HLTF: variants seen among roughly 807,000 people sequenced by gnomAD.
HLTF encodes DNA-dependent ATPase/E3 ubiquitin-protein ligase HLTF.
A neutral mutation model predicts 129.4 loss-of-function variants in HLTF; 127 were observed. That is an observed-to-expected ratio of 0.98 (90% CI 0.85 to 1.14). The LOEUF is 1.14. Ranked by LOEUF, HLTF falls within the 50% of genes most tolerant of loss-of-function variation. The probability of loss-of-function intolerance (pLI) is 0.00; values close to 1 mark genes in which losing one functional copy is unlikely to be tolerated. For missense variants in HLTF, 1,139 were observed against 1,187.1 expected (o/e 0.96, Z 0.60); for synonymous variants, 332 against 388.8 (o/e 0.85, Z 1.72).
chr3:149,052,446 C>G (rs1717077471), intron 14 of HLTF, among the ~76,000 whole-genome samples: 1 of 152,222 alleles, frequency 6.6e-6, no homozygotes, highest in Admixed American at 6.5e-5. Flanking sequence ...AATTTGTCAT[C>G]TATCTTCATT....
intron 23 of HLTF, among the ~76,000 whole-genome samples, chr3:149,036,579 G>C (rs62274646): frequency 0.023 from 3,505 of 151,978 alleles, 65 homozygotes; most frequent in Non-Finnish European, 0.037. Flanking sequence ...ATGAGCCTCC[G>C]CGCCAGGCCA....
chr3:149,032,409 G>C, intron 24 of HLTF, 37 bp from the exon 25 acceptor site: 1 of 1,254,984 alleles, frequency 8.0e-7, no homozygotes, highest in Non-Finnish European at 1.1e-6. Context: ...TAGTTTTTAA[G>C]GCATAGTATT....
In HLTF at chr3:149,055,309, G is replaced by C; in HGVS notation, c.1467C>G (p.Asn489Lys). The change falls in exon 14 of 25, where the codon AAC (asparagine) becomes AAG (lysine). Residue 489 changes from asparagine to lysine, a missense_variant. Transcript: ENST00000310053. ...LIICPLSVLS[N>K]WIDQFGQHIK... ...AAAGGGCTTAAAGACTTACAATCCA[G>C]TTGCTTAACACAGAAAGCGGACAGA... 1 of 1,609,494 alleles carries C rather than the reference G, an allele frequency of 6.2e-7. No individual in the cohort carries two copies. The highest frequency in any genetic ancestry group is 8.5e-7 in the Non-Finnish European group (1 of 1,176,056).
chr3:149,051,969 C>T (rs1399033091), intron 14 of HLTF: 1 of 152,134 alleles, frequency 6.6e-6, no homozygotes, highest in Non-Finnish European at 1.5e-5. Flanking sequence ...GCCTGATCAA[C>T]ATGGTGAAAC....
intron 21 of HLTF, 48 bp from the exon 22 acceptor site, chr3:149,039,741 A>C (rs1172203934): frequency 3.0e-6 from 3 of 984,066 alleles, no homozygotes; most frequent in African/African-American, 1.7e-5. Context: ...TAAATCAGTA[A>C]AATTAGTCTA....
rs772816 is a variant in HLTF, at chr3:149,085,892, A to G, written c.20+425T>C. Among the ~76,000 whole-genome samples the G allele has an allele frequency of 0.25, 38,054 of 152,114 alleles. 5,882 individuals carry two copies. The highest frequency in any genetic ancestry group is 0.41 in the Middle Eastern group (120 of 292). ...GATGCGTTTTCCTTGCAAGTGGCGC[A>G]TATCTCTACTAGCGCCTCTGCAAAT... On this transcript the variant is annotated intron_variant, in intron 1 of 24. Coordinates refer to ENST00000310053, the MANE Select transcript of HLTF (RefSeq NM_003071.4).
chr3:149,084,695 T>C lies in HLTF; in HGVS notation c.215A>G (p.Tyr72Cys), dbSNP rs1413943652. The C allele has an allele frequency of 6.2e-7, 1 of 1,608,652 alleles. No homozygotes were observed. The highest frequency in any genetic ancestry group is 1.7e-5 in the Admixed American group (1 of 60,016). ...TATTATACTCACTACTCCCGTGTAA[T>C]AGCGTAGTCCAACCACATGACCTCT... is the stretch of plus-strand genomic sequence containing the variant. ...SLRGHVVGLR[Y>C]YTGVVNNNEM... Residue 72 changes from tyrosine to cysteine, a missense_variant, in exon 2 of 25, where the codon TAT becomes TGT. Physicochemically the swap from Tyr to Cys is radical, Grantham distance 194. Transcript: ENST00000310053.
chr3:149,032,819 C>T (rs1056439622), intron 24 of HLTF, among the ~76,000 whole-genome samples: 4 of 151,856 alleles, frequency 2.6e-5, no homozygotes, highest in South Asian at 4.2e-4. Context: ...AAAAGTTAGC[C>T]GGGCATGGTG....
intron 7 of HLTF, among the ~76,000 whole-genome samples, chr3:149,069,485 AAAG>A (rs1440756309): frequency 8.6e-5 from 13 of 151,908 alleles, no homozygotes; most frequent in Admixed American, 2.6e-4. Flanking sequence ...AAAAAAAAAA[AAAG>A]AAGAAGAATG....
At position 149,039,032 on chromosome 3, in the gene HLTF, T is replaced by A. The variant is rs1715882852; in HGVS notation, c.2796+17A>T. On this transcript the variant is annotated intron_variant, in intron 23 of 24. Transcript: ENST00000310053. ...AAGAAGTACTAAGATTCTGAAAAAA[T>A]TTACAGAACTACTTACTGGATCCAT... The A allele has an allele frequency of 1.4e-5, 20 of 1,450,460 alleles. No homozygotes were observed. Among genetic ancestry groups the A allele is most frequent in the Non-Finnish European group, 1.8e-5 (20 of 1,089,276 alleles). The allele number at this position is 1,450,460 out of a possible 1,614,324, so 89.8% of individuals were successfully genotyped here. A position where few individuals can be genotyped will look rare whatever the true frequency, so the allele number is the denominator to read the frequency against.
At chr3:149,058,988 T>C (rs971292606) in intron 13 of HLTF, among the ~76,000 whole-genome samples, 7 of 152,246 alleles carry the variant, frequency 4.6e-5, no homozygotes, top group African/African-American at 1.7e-4. Flanking sequence ...ATTATCTGAT[T>C]CTTGGACCAA....
chr3:149,057,587 T>C (rs1717583516), intron 13 of HLTF, among the ~76,000 whole-genome samples: 1 of 152,216 alleles, frequency 6.6e-6, no homozygotes, highest in African/African-American at 2.4e-5. Flanking sequence ...ACCAAATCCC[T>C]GACAAATACT....
intron 14 of HLTF, among the ~76,000 whole-genome samples, chr3:149,053,237 G>A (rs926018312): frequency 6.6e-6 from 1 of 152,144 alleles, no homozygotes; most frequent in African/African-American, 2.4e-5. Context: ...ATCTCATGTT[G>A]AAATGTAATC....
chr3:149,069,090 T>A (rs1237675855), intron 7 of HLTF, among the ~76,000 whole-genome samples: 2 of 152,094 alleles, frequency 1.3e-5, no homozygotes, highest in Non-Finnish European at 2.9e-5. Context: ...TGCCTCAGCA[T>A]AAAACAAAGC....
At position 149,030,623 on chromosome 3, in the gene HLTF, T is replaced by C. The variant is rs1559848166; in HGVS notation, c.*1597A>G. On this transcript the variant is annotated 3_prime_UTR_variant, in exon 25 of 25. Coordinates refer to ENST00000310053, the MANE Select transcript of HLTF (RefSeq NM_003071.4). ...AGAACCCATACTCTGATCAACTTGA[T>C]TTTTTGTGTGTAATGCTTGATCTAC... The C allele has an allele frequency of 6.6e-6, 1 of 152,222 alleles. No individual in the cohort carries two copies. Among genetic ancestry groups the C allele is most frequent in the South Asian group, 2.1e-4 (1 of 4,834 alleles). The allele number at this position is 152,222 out of a possible 1,614,324, so 9.4% of individuals were successfully genotyped here. A position where few individuals can be genotyped will look rare whatever the true frequency, so the allele number is the denominator to read the frequency against.
rs185551821 is a variant in HLTF at position 149,040,915 on chromosome 3, C to T, written c.2376+575G>A. On this transcript the variant is annotated intron_variant, in intron 20 of 24. Transcript: ENST00000310053. The stretch of plus-strand genomic sequence containing the variant: ...ATTTAAAATGTTTAAAAAAATTCTA[C>T]CCCAGCTGAATGACTGCTTAACAGA... Among the ~76,000 whole-genome samples, 14 of 152,118 alleles carry T rather than the reference C, an allele frequency of 9.2e-5. No homozygotes were observed. In the East Asian group the frequency reaches 2.7e-3, roughly 29 times the overall value.
At position 149,040,232 on chromosome 3, in the gene HLTF, G is replaced by T; in HGVS notation, c.2377-76C>A. On this transcript the variant is annotated intron_variant, in intron 20 of 24. Coordinates refer to ENST00000310053, the MANE Select transcript of HLTF (RefSeq NM_003071.4). ...TAAATATGCCTAAAAATTTTTAAAT[G>T]TATGCTAAAATCTGTATCTCTCATA... The T allele has an allele frequency of 3.1e-6, 4 of 1,300,354 alleles. No individual in the cohort carries two copies. In the South Asian group the frequency reaches 5.2e-5, roughly 17 times the overall value. 80.6% of individuals were successfully genotyped at this position (1,300,354 alleles called of 1,614,324 possible).
At chr3:149,077,577 G>C (rs1004177751) in intron 2 of HLTF, among the ~76,000 whole-genome samples, 2 of 151,516 alleles carry the variant, frequency 1.3e-5, no homozygotes, top group Non-Finnish European at 2.9e-5. Context: ...AAACAAAAAG[G>C]CTTATAAAGA....
chr3:149,042,258 T>A lies in HLTF; in HGVS notation c.2105A>T (p.Tyr702Phe). 1 of 1,612,928 alleles carries A rather than the reference T, an allele frequency of 6.2e-7. No individual in the cohort carries two copies. The highest frequency in any genetic ancestry group is 8.5e-7 in the Non-Finnish European group (1 of 1,178,976). Residue 702 changes from tyrosine to phenylalanine, a missense_variant, in exon 19 of 25, where the codon TAT (tyrosine) becomes TTT (phenylalanine). Coordinates refer to ENST00000310053, the MANE Select transcript of HLTF (RefSeq NM_003071.4). ...AAGCAAAAGACCCAGGACATCTGCA[T>A]AATGTGCCAGGACAGTCCCTTCATT... ...YFNEGTVLAH[Y>F]ADVLGLLLRL...
Sources: gnomAD v4.1 joint callset for allele counts (sites outside exome capture counted in the v4.1 genomes callset) on GRCh38, gnomAD v4.1.1 for gene constraint, MANE v1.5 for transcripts, NCBI Gene and HGNC (gene_info 2026-07-23, HGNC 2026-07-21) for gene names.